The following WDPCP variants were observed in gnomAD, a reference collection of about 807,000 sequenced individuals.
WDPCP encodes WD repeat-containing and planar cell polarity effector protein fritz homolog.
Under a neutral mutation model 93.1 loss-of-function variants are expected in WDPCP, and 71 were observed. The observed-to-expected ratio is 0.76, with a 90% confidence interval of 0.63 to 0.93. The LOEUF is 0.93. Among genes scored for constraint, WDPCP ranks in the 40% least tolerant of loss-of-function variants. The probability of loss-of-function intolerance (pLI) is 0.00; values close to 1 mark genes in which losing one functional copy is unlikely to be tolerated. For synonymous variants in WDPCP, 315 were observed against 315.0 expected, an observed-to-expected ratio of 1.00 and a Z score of 0.00; for missense variants, 844 against 887.4, an observed-to-expected ratio of 0.95 and a Z score of 0.62.
rs140846692 is a variant in WDPCP, at chr2:63,279,981, A to T, written c.1813-20572T>A. ...AATACCACTGAAAGAAATAATAGAC[A>T]ACACAAATAAATGGAAACACATCCC... On this transcript the variant is annotated intron_variant, in intron 13 of 17. Transcript: ENST00000272321. 4.6e-5 allele frequency among the ~76,000 whole-genome samples: 7 copies of T among 152,362 alleles called. No homozygotes were observed. The East Asian group carries it at 1.3e-3, about 29-fold the overall frequency.
chr2:63,693,642 G>A (rs1668922508), intron 2 of WDPCP, among the ~76,000 whole-genome samples: 1 of 152,096 alleles, frequency 6.6e-6, no homozygotes, highest in Admixed American at 6.6e-5. Flanking sequence ...GACCCCCAAG[G>A]CGGGTTGTGG....
At chr2:63,728,206 A>T (rs981663149) in intron 2 of WDPCP, among the ~76,000 whole-genome samples, 1 of 152,238 alleles carries the variant, frequency 6.6e-6, no homozygotes, top group Admixed American at 6.5e-5. Context: ...CAGTAGCATT[A>T]TATTTTTTGG....
chr2:63,588,199 G>T lies in WDPCP; in HGVS notation c.73C>A (p.Gln25Lys), dbSNP rs1324126661. The stretch of plus-strand genomic sequence containing the variant: ...CTTGCCCTCGGGCCAGGGCTCACCT[G>T]TCTCGGGAGTGGGGAAGAAGCGCGA... The part of the protein sequence containing the change: ...GSRASSPLPR[Q>K]DRDSFCHQMS... Residue 25 changes from glutamine to lysine, a missense_variant and splice_region_variant, in exon 1 of 18, where the codon CAG (glutamine) becomes AAG (lysine). Coordinates refer to ENST00000272321, the MANE Select transcript of WDPCP (RefSeq NM_015910.7). The T allele has an allele frequency of 8.9e-6, 14 of 1,566,960 alleles. No homozygotes were observed. The highest frequency in any genetic ancestry group is 1.2e-5 in the Non-Finnish European group (14 of 1,153,680).
At chr2:63,638,316 C>A (rs1300872896) in intron 3 of WDPCP, among the ~76,000 whole-genome samples, 3 of 150,256 alleles carry the variant, frequency 2.0e-5, no homozygotes, top group Non-Finnish European at 2.9e-5. Context: ...CTCATTCTCT[C>A]TCTCTCTCTC....
At chr2:63,570,544 T>A (rs1707406489) in intron 1 of WDPCP, among the ~76,000 whole-genome samples, 1 of 152,210 alleles carries the variant, frequency 6.6e-6, no homozygotes, top group African/African-American at 2.4e-5. Context: ...GATGATGAAC[T>A]TGGGATAGGT....
intron 2 of WDPCP, chr2:63,684,569 A>G (rs1668779215): frequency 1.4e-6 from 1 of 715,652 alleles, no homozygotes; most frequent in East Asian, 2.9e-5. Flanking sequence ...CTCTGTGGAT[A>G]TCCCCTTGAA....
chr2:63,444,949 T>C (rs1457207056), intron 6 of WDPCP, among the ~76,000 whole-genome samples: 3 of 152,168 alleles, frequency 2.0e-5, no homozygotes, highest in African/African-American at 7.2e-5. Flanking sequence ...GCTTTCTCTT[T>C]AAGAAACTCA....
intron 2 of WDPCP, among the ~76,000 whole-genome samples, chr2:63,755,804 C>T (rs1669959521): frequency 6.6e-6 from 1 of 152,112 alleles, no homozygotes; most frequent in African/African-American, 2.4e-5. Context: ...GACACATATA[C>T]AATAGGGAAA....
the WDPCP span, among the ~76,000 whole-genome samples, chr2:63,839,772 A>G: frequency 6.6e-6 from 1 of 152,176 alleles, no homozygotes; most frequent in Non-Finnish European, 1.5e-5. Context: ...TCAGTCTCCA[A>G]ATGCTGTTAT....
At chr2:63,708,481 C>T (rs1350868639) in intron 2 of WDPCP, among the ~76,000 whole-genome samples, 2 of 152,218 alleles carry the variant, frequency 1.3e-5, no homozygotes, top group African/African-American at 2.4e-5. Context: ...TGGGAAAGCA[C>T]AGTATTAGGG....
intron 2 of WDPCP, among the ~76,000 whole-genome samples, chr2:63,673,716 C>T (rs149287227): frequency 2.2e-4 from 33 of 152,306 alleles, no homozygotes; most frequent in African/African-American, 7.9e-4. Flanking sequence ...ACATTTCCAT[C>T]ATATATCTGT....
chr2:63,351,481 T>C (rs903860536), intron 12 of WDPCP, among the ~76,000 whole-genome samples: 2 of 152,062 alleles, frequency 1.3e-5, no homozygotes, highest in African/African-American at 4.8e-5. Context: ...TTAATGTCCA[T>C]GTATGCTCAA....
chr2:63,635,570 G>A (rs151115401), intron 3 of WDPCP, among the ~76,000 whole-genome samples: 9 of 152,224 alleles, frequency 5.9e-5, no homozygotes, highest in African/African-American at 1.7e-4. Flanking sequence ...AATCAATAAA[G>A]ATGATACACC....
intron 1 of WDPCP, among the ~76,000 whole-genome samples, chr2:63,547,971 G>A (rs1205782838): frequency 6.6e-6 from 1 of 151,980 alleles, no homozygotes; most frequent in Non-Finnish European, 1.5e-5. Flanking sequence ...AATATTTAAG[G>A]TGAGAGATAT....
At chr2:63,344,254 C>T (rs747181289) in intron 12 of WDPCP, among the ~76,000 whole-genome samples, 5 of 152,082 alleles carry the variant, frequency 3.3e-5, no homozygotes, top group Non-Finnish European at 7.3e-5. Context: ...CATTTGTGGT[C>T]GGTGAAGTCT....
intron 17 of WDPCP, among the ~76,000 whole-genome samples, chr2:63,139,170 T>TATAC (rs145782019): frequency 3.3e-5 from 5 of 149,330 alleles, no homozygotes; most frequent in East Asian, 4.0e-4. Context: ...TATATGTGTA[T>TATAC]ACACACACAC....
chr2:63,271,493 AGGTCTCCCCT>A (rs1251631466), intron 13 of WDPCP, among the ~76,000 whole-genome samples: 1 of 152,130 alleles, frequency 6.6e-6, no homozygotes, highest in African/African-American at 2.4e-5. Context: ...GCCTGAGAAT[AGGTCTCCCCT>A]GGTCACTGGC....
chr2:63,497,335 A>G (rs1311272536), intron 1 of WDPCP, among the ~76,000 whole-genome samples: 1 of 152,178 alleles, frequency 6.6e-6, no homozygotes, highest in Non-Finnish European at 1.5e-5. Flanking sequence ...GCCAATGTCC[A>G]TTAGTAGATA....
At chr2:63,657,497 C>T (rs934613874) in intron 2 of WDPCP, among the ~76,000 whole-genome samples, 4 of 152,046 alleles carry the variant, frequency 2.6e-5, no homozygotes, top group Admixed American at 6.6e-5. Context: ...TGAGTCACCG[C>T]GGCGCCCGGC....
Sources: gnomAD v4.1 joint callset for allele counts (sites outside exome capture counted in the v4.1 genomes callset) on GRCh38, gnomAD v4.1.1 for gene constraint, MANE v1.5 for transcripts, NCBI Gene and HGNC (gene_info 2026-07-23, HGNC 2026-07-21) for gene names.